The following RYR1 variants were observed in gnomAD, a reference collection of about 807,000 sequenced individuals.
The protein encoded by RYR1 is central core disease of muscle.
In RYR1, 342 loss-of-function variants were observed where a neutral mutation model predicts 583.5. The observed-to-expected ratio is 0.59, with a 90% CI of 0.54 to 0.64. The LOEUF (loss-of-function observed/expected upper bound fraction) is 0.64. Ranked by LOEUF, RYR1 falls within the 30% of genes least tolerant of loss-of-function variation. The pLI is 0.00. For missense variants in RYR1, 6,032 were observed against 6,917.2 expected (o/e 0.87, Z 4.54); for synonymous variants, 2,791 against 2,822.5 (o/e 0.99, Z 0.35).
rs1447214717 is a variant in RYR1 at position 38,519,440 on chromosome 19, C to T, written c.10245C>T (p.Tyr3415=). 5.6e-6 allele frequency: 9 copies of T among 1,597,936 alleles called. No individual in the cohort carries two copies. Among genetic ancestry groups the T allele is most frequent in the Admixed American group, 3.4e-5 (2 of 58,300 alleles). Reference sequence around the variant, plus strand: ...CCCTGTATCCGCTGCTCATCCGCTACGTGGACAACAACAGGTCAGCGGGGC... The same window carrying T: ...CCCTGTATCCGCTGCTCATCCGCTATGTGGACAACAACAGGTCAGCGGGGC... The part of the protein sequence containing the change: ...LYALYPLLIR[Y]VDNNRAQWLT... Residue 3415 remains tyrosine (Y), a synonymous_variant, in exon 67 of 106, where the codon TAC becomes TAT. Coordinates refer to ENST00000359596, the MANE Select transcript of RYR1 (RefSeq NM_000540.3).
intron 101 of RYR1, among the ~76,000 whole-genome samples, chr19:38,582,906 A>G (rs1324438835): frequency 6.6e-6 from 1 of 152,168 alleles, no homozygotes; most frequent in Non-Finnish European, 1.5e-5. Flanking sequence ...TCTTCCAGAC[A>G]CGGCCTCGCT....
chr19:38,517,758 T>G lies in RYR1; in HGVS notation c.10018+67T>G. The G allele has an allele frequency of 2.0e-6, 3 of 1,472,532 alleles. No individual in the cohort carries two copies. In the East Asian group the frequency reaches 6.8e-5, roughly 33 times the overall value. 91.2% of individuals were successfully genotyped at this position (1,472,532 alleles called of 1,614,324 possible). On this transcript the variant is annotated intron_variant, in intron 66 of 105. Coordinates refer to ENST00000359596, the MANE Select transcript of RYR1 (RefSeq NM_000540.3). ...GCCTGGGCTCCCTTGGCAGATGGTC[T>G]GAAAGGGAGACCCATGGTCCCCTCG...
In RYR1 at chr19:38,512,433, C is replaced by T; in HGVS notation, c.9422C>T (p.Thr3141Ile). 6.2e-7 allele frequency: 1 copy of T among 1,613,688 alleles called. No individual in the cohort carries two copies. Among genetic ancestry groups the T allele is most frequent in the Non-Finnish European group, 8.5e-7 (1 of 1,180,034 alleles). The stretch of plus-strand genomic sequence containing the variant: ...ACTGTGGCACTGCTGCCGGTCCTCA[C>T]CACCCTCTTCCAGCACATCGCCCAG... ...YTTVALLPVL[T>I]TLFQHIAQHQ... Residue 3141 changes from threonine to isoleucine, a missense_variant, in exon 63 of 106, where the codon ACC becomes ATC. Transcript: ENST00000359596. This position sits in a 1 kb window ranked among gnomAD's most constrained non-coding sequence, Gnocchi z 5.1.
chr19:38,498,061 G>A (rs1969926812), intron 42 of RYR1, among the ~76,000 whole-genome samples: 1 of 152,162 alleles, frequency 6.6e-6, no homozygotes, highest in Non-Finnish European at 1.5e-5. Context: ...GGTCATCATG[G>A]GGAAGAGCAT....
At chr19:38,580,755 G>A (rs1376116420) in intron 101 of RYR1, among the ~76,000 whole-genome samples, 1 of 152,186 alleles carries the variant, frequency 6.6e-6, no homozygotes, top group Admixed American at 6.6e-5. Flanking sequence ...GCTAAGGCAA[G>A]AGGATCACTT....
intron 7 of RYR1, 39 bp from the exon 8 acceptor site, chr19:38,446,433 C>T (rs755405255): frequency 6.7e-7 from 1 of 1,491,166 alleles, no homozygotes; most frequent in Non-Finnish European, 9.4e-7. Flanking sequence ...TCCTGGGGCT[C>T]CAGCCTCCCA....
intron 20 of RYR1, among the ~76,000 whole-genome samples, chr19:38,461,280 T>G (rs565423290): frequency 2.6e-5 from 4 of 152,078 alleles, no homozygotes; most frequent in East Asian, 1.9e-4. Flanking sequence ...AGAAAAAAAT[T>G]TTTAATATTT....
chr19:38,577,783 G>A lies in RYR1; in HGVS notation c.14173-135G>A, dbSNP rs577070884. ...TGCCCTCCAGCCTGGGTGACAGAGG[G>A]AGACTGTCTCAAAAAAAAAAATGCA... On this transcript the variant is annotated intron_variant, in intron 97 of 105. Coordinates refer to ENST00000359596, the MANE Select transcript of RYR1 (RefSeq NM_000540.3). The A allele has an allele frequency of 2.9e-3, 3,384 of 1,162,676 alleles. 8 individuals carry two copies. The highest frequency in any genetic ancestry group is 3.8e-3 in the Non-Finnish European group (3,165 of 823,258). The allele number at this position is 1,162,676 out of a possible 1,614,324, so 72.0% of individuals were successfully genotyped here. A position where few individuals can be genotyped will look rare whatever the true frequency, so the allele number is the denominator to read the frequency against.
chr19:38,543,085 G>A lies in RYR1; in HGVS notation c.11690-262G>A, dbSNP rs977713581. Among the ~76,000 whole-genome samples the A allele has an allele frequency of 6.6e-6, 1 of 150,884 alleles. No homozygotes were observed. Among genetic ancestry groups the A allele is most frequent in the African/African-American group, 2.4e-5 (1 of 41,060 alleles). ...TCAAACTCCTGACCTCAGGTGATCTGCCTGCCTGGGCCTCCCAAAGTGCTG... is the reference window on the plus strand; with the variant it reads ...TCAAACTCCTGACCTCAGGTGATCTACCTGCCTGGGCCTCCCAAAGTGCTG... On this transcript the variant is annotated intron_variant, in intron 84 of 105. Transcript: ENST00000359596. The surrounding 1 kb of genome is among the most constrained non-coding windows in gnomAD (Gnocchi z 4.4).
intron 94 of RYR1, among the ~76,000 whole-genome samples, chr19:38,571,797 ACT>A (rs1167736288): frequency 1.3e-5 from 2 of 152,078 alleles, no homozygotes; most frequent in East Asian, 3.8e-4. Context: ...AGATGAACCA[ACT>A]CTGTCTTCAG....
intron 38 of RYR1, among the ~76,000 whole-genome samples, chr19:38,492,976 C>T (rs577797117): frequency 2.6e-5 from 4 of 151,798 alleles, no homozygotes; most frequent in Admixed American, 6.6e-5. Flanking sequence ...GACTGAGGCA[C>T]GAGAATTGCT....
chr19:38,504,964 C>T (rs751701788), intron 51 of RYR1, 39 bp from the exon 52 acceptor site: 1 of 1,613,864 alleles, frequency 6.2e-7, no homozygotes, highest in Non-Finnish European at 8.5e-7. Context: ...GTGGAGGGAA[C>T]CCCAGCTCCA....
At chr19:38,466,500 T>TA in intron 24 of RYR1, 102 bp downstream of exon 24, 149 of 804,280 alleles carry the variant, frequency 1.9e-4, no homozygotes, top group Non-Finnish European at 2.7e-4. Context: ...ATGGGCTATA[T>TA]CTTTTTTTTT....
intron 58 of RYR1, among the ~76,000 whole-genome samples, chr19:38,508,273 G>C (rs188317728): frequency 2.0e-5 from 3 of 152,042 alleles, no homozygotes; most frequent in Admixed American, 6.5e-5. Context: ...GCAGTGGCAC[G>C]GTCTCGGCTC....
In RYR1 at chr19:38,535,165, C is replaced by G; in HGVS notation, c.11384C>G (p.Ser3795Cys). ...GGAGAGACAGGTGCCATGGTGTCCT[C>G]CACCCTGAAGCTGGGCATCTCCATC... ...CKGETGAMVSSTLKLGISILN... is the reference protein window; with the variant it reads ...CKGETGAMVSCTLKLGISILN... The change falls in exon 80 of 106, where the codon TCC becomes TGC. Residue 3795 changes from serine (S) to cysteine (C), a missense_variant. Physicochemically the swap from Ser to Cys is moderately radical, Grantham distance 112. Transcript: ENST00000359596. The G allele has an allele frequency of 6.2e-7, 1 of 1,614,092 alleles. No homozygotes were observed. Among genetic ancestry groups the G allele is most frequent in the Non-Finnish European group, 8.5e-7 (1 of 1,180,040 alleles).
rs371365554 is a variant in RYR1, at chr19:38,543,923, A to G, written c.12012+48A>G. On this transcript the variant is annotated intron_variant, in intron 87 of 105. Transcript: ENST00000359596. This position sits in a 1 kb window ranked among gnomAD's most constrained non-coding sequence, Gnocchi z 4.4. ...TCCACCTGCTTCCGGGCGTCCCCCAAGTGGTCCATTTCCAAGTCTTGCCCC... is the reference window on the plus strand; with the variant it reads ...TCCACCTGCTTCCGGGCGTCCCCCAGGTGGTCCATTTCCAAGTCTTGCCCC... 20 of 1,562,438 alleles carry G rather than the reference A, an allele frequency of 1.3e-5. No homozygotes were observed. Among genetic ancestry groups the G allele is most frequent in the African/African-American group, 1.1e-4 (8 of 73,718 alleles).
Position 38,496,428 on chromosome 19 carries a change from T to A in RYR1, c.6683T>A (p.Met2228Lys). 1 of 1,613,772 alleles carries A rather than the reference T, an allele frequency of 6.2e-7. No individual in the cohort carries two copies. The highest frequency in any genetic ancestry group is 8.5e-7 in the Non-Finnish European group (1 of 1,180,008). The change falls in exon 41 of 106, where the codon ATG becomes AAG. Residue 2228 changes from methionine (M) to lysine (K), a missense_variant. Coordinates refer to ENST00000359596, the MANE Select transcript of RYR1 (RefSeq NM_000540.3). The surrounding 1 kb of genome is among the most constrained non-coding windows in gnomAD (Gnocchi z 4.8). ...GESKEIRFPKMVTSCCRFLCY... is the reference protein window; with the variant it reads ...GESKEIRFPKKVTSCCRFLCY... ...TCCCAGGAGATCCGCTTCCCCAAGA[T>A]GGTGACAAGCTGCTGCCGCTTCCTC...
At chr19:38,494,742 C>A in intron 39 of RYR1, 117 bp downstream of exon 39, 1 of 1,310,664 alleles carries the variant, frequency 7.6e-7, no homozygotes, top group Non-Finnish European at 1.1e-6. Context: ...ATCTCAGTCT[C>A]TCGATGGCTA....
At chr19:38,447,481 C>T (rs1272755784) in intron 9 of RYR1, among the ~76,000 whole-genome samples, 1 of 152,034 alleles carries the variant, frequency 6.6e-6, no homozygotes, top group Non-Finnish European at 1.5e-5. Context: ...GTGGCGGTTG[C>T]AGTGAGCTGA....
Sources: gnomAD v4.1 joint callset for allele counts (sites outside exome capture counted in the v4.1 genomes callset) on GRCh38, gnomAD v4.1.1 for gene constraint, Gnocchi (gnomAD v3.1) non-coding constraint, MANE v1.5 for transcripts, NCBI Gene and HGNC (gene_info 2026-07-23, HGNC 2026-07-21) for gene names.